The following DLGAP2 variants were observed in gnomAD, a reference collection of about 807,000 sequenced individuals.
The protein encoded by DLGAP2 is DLG associated protein 2, also known as disks large-associated protein 2.
A neutral mutation model predicts 100.3 loss-of-function variants in DLGAP2; 26 were observed. The observed-to-expected ratio is 0.26, with a 90% CI of 0.19 to 0.36. The LOEUF (loss-of-function observed/expected upper bound fraction) is 0.36. Among genes scored for constraint, DLGAP2 ranks in the 10% least tolerant of loss-of-function variants. DLGAP2 has a pLI of 1.00. For missense variants in DLGAP2, 1,858 were observed against 1,453.2 expected, an observed-to-expected ratio of 1.28 and a Z score of -4.53; for synonymous variants, 886 against 630.1, an observed-to-expected ratio of 1.41 and a Z score of -6.08.
At chr8:1,255,683 C>T (rs1297171337) in intron 2 of DLGAP2, among the ~76,000 whole-genome samples, 12 of 132,352 alleles carry the variant, frequency 9.1e-5, no homozygotes, top group African/African-American at 3.5e-4. Context: ...TGCCTGGGAG[C>T]TGTGTGTGTG....
chr8:820,478 C>T (rs554396658), intron 1 of DLGAP2, among the ~76,000 whole-genome samples: 5 of 152,028 alleles, frequency 3.3e-5, no homozygotes, highest in Middle Eastern at 3.2e-3. Context: ...AAGAGTTCCT[C>T]GAAAGCAATG....
intron 7 of DLGAP2, among the ~76,000 whole-genome samples, chr8:1,627,434 G>A (rs1008926880): frequency 1.3e-5 from 2 of 152,328 alleles, no homozygotes; most frequent in Admixed American, 6.5e-5. Context: ...CCTGAGACAC[G>A]GGGGCTGTGA....
In DLGAP2 at chr8:1,022,249, C is replaced by T. The variant is rs550408820; in HGVS notation, c.73+114283C>T. ...CCCATGCCGAGGTAGACACTCCAGC[C>T]GCCACCCATCCTCCCTGGGAGTGGA... On this transcript the variant is annotated intron_variant, in intron 2 of 14. Coordinates refer to ENST00000637795, the MANE Select transcript of DLGAP2 (RefSeq NM_001346810.2). 1.5e-3 allele frequency among the ~76,000 whole-genome samples: 230 copies of T among 151,060 alleles called. 1 individual carries two copies. Among genetic ancestry groups the T allele is most frequent in the African/African-American group, 5.3e-3 (218 of 41,096 alleles).
chr8:1,337,681 A>C (rs1801320660), intron 3 of DLGAP2, among the ~76,000 whole-genome samples: 1 of 152,184 alleles, frequency 6.6e-6, no homozygotes, highest in Admixed American at 6.5e-5. Context: ...AGCATAAGCA[A>C]CACAAGGATA....
intron 3 of DLGAP2, among the ~76,000 whole-genome samples, chr8:1,481,448 ATTTTCT>A (rs1418758632): frequency 6.4e-4 from 58 of 90,898 alleles, no homozygotes; most frequent in Non-Finnish European, 7.5e-4. Context: ...ACTTTATTGG[ATTTTCT>A]TTTTCTTTTT....
intron 3 of DLGAP2, among the ~76,000 whole-genome samples, chr8:1,284,560 A>C (rs1323117644): frequency 6.6e-6 from 1 of 152,134 alleles, no homozygotes; most frequent in Admixed American, 6.5e-5. Flanking sequence ...GTTTCTCTCA[A>C]TTCTTTTTAT....
chr8:1,159,617 G>C (rs4735987), intron 2 of DLGAP2, among the ~76,000 whole-genome samples: 20,326 of 152,156 alleles, frequency 0.13, 1,717 homozygotes, highest in Admixed American at 0.22. Context: ...AACAGAGAAA[G>C]AATACCTGCA....
At chr8:922,033 G>T (rs1480283713) in intron 2 of DLGAP2, among the ~76,000 whole-genome samples, 2 of 152,268 alleles carry the variant, frequency 1.3e-5, no homozygotes, top group East Asian at 3.8e-4. Flanking sequence ...GCTGGCCCGG[G>T]TGTGGCACAG....
intron 1 of DLGAP2, among the ~76,000 whole-genome samples, chr8:754,440 C>G (rs1011224195): frequency 1.3e-5 from 2 of 152,212 alleles, no homozygotes; most frequent in Non-Finnish European, 2.9e-5. Context: ...GTGCCCATGC[C>G]TTTCCTGAAA....
intron 10 of DLGAP2, among the ~76,000 whole-genome samples, chr8:1,672,704 C>T (rs1798720905): frequency 6.6e-6 from 1 of 152,228 alleles, no homozygotes; most frequent in Non-Finnish European, 1.5e-5. Context: ...CTCCAAGCCT[C>T]ACAGGCAGCT....
chr8:1,109,117 G>T (rs1213800485), intron 2 of DLGAP2, among the ~76,000 whole-genome samples: 1 of 131,412 alleles, frequency 7.6e-6, no homozygotes, highest in Non-Finnish European at 1.7e-5. Context: ...TCTGTGAGGT[G>T]TGCACGTGCC....
intron 2 of DLGAP2, among the ~76,000 whole-genome samples, chr8:1,245,218 G>C (rs1798878458): frequency 6.6e-6 from 1 of 152,082 alleles, no homozygotes; most frequent in Non-Finnish European, 1.5e-5. Flanking sequence ...GTTACCATGT[G>C]ACCATAAATC....
chr8:1,416,780 C>T (rs760164098), intron 3 of DLGAP2, among the ~76,000 whole-genome samples: 5 of 152,140 alleles, frequency 3.3e-5, no homozygotes, highest in Non-Finnish European at 5.9e-5. Context: ...AGCCTGGGGG[C>T]GGAATGTGGC....
At chr8:1,268,416 C>G (rs1799511158) in intron 3 of DLGAP2, among the ~76,000 whole-genome samples, 1 of 152,162 alleles carries the variant, frequency 6.6e-6, no homozygotes, top group Non-Finnish European at 1.5e-5. Context: ...ATAATAAACT[C>G]ATTTGCAATA....
At chr8:1,640,399 C>G (rs1325898005) in intron 8 of DLGAP2, among the ~76,000 whole-genome samples, 2 of 152,154 alleles carry the variant, frequency 1.3e-5, no homozygotes, top group African/African-American at 4.8e-5. Context: ...CGTCTCCAAC[C>G]CCGCAGCACA....
chr8:997,016 G>A (rs1800801229), intron 2 of DLGAP2, among the ~76,000 whole-genome samples: 1 of 152,162 alleles, frequency 6.6e-6, no homozygotes, highest in African/African-American at 2.4e-5. Context: ...ATGATGGAAG[G>A]CATTGATTGC....
chr8:1,507,502 C>G (rs1400948619), intron 4 of DLGAP2, among the ~76,000 whole-genome samples: 1 of 152,274 alleles, frequency 6.6e-6, no homozygotes, highest in Admixed American at 6.5e-5. Context: ...GAGCCCACAC[C>G]TCTCCCTCCA....
chr8:1,413,839 G>C (rs889145394), intron 3 of DLGAP2, among the ~76,000 whole-genome samples: 2 of 152,256 alleles, frequency 1.3e-5, no homozygotes, highest in African/African-American at 4.8e-5. Context: ...GTGAGGCACA[G>C]CCTGAGAAGA....
At chr8:1,438,563 T>C (rs773558934) in intron 3 of DLGAP2, among the ~76,000 whole-genome samples, 55 of 152,202 alleles carry the variant, frequency 3.6e-4, no homozygotes, top group Non-Finnish European at 6.6e-4. Flanking sequence ...TTCAAAAGAA[T>C]GGCTGATATC....
Sources: allele counts gnomAD v4.1 joint callset (sites outside exome capture counted in the v4.1 genomes callset), GRCh38; gene constraint gnomAD v4.1.1; transcripts MANE v1.5; gene names NCBI Gene and HGNC (gene_info 2026-07-23, HGNC 2026-07-21).